Variants in DPP10 observed in about 807,000 individuals in gnomAD.
DPP10 encodes the protein inactive dipeptidyl peptidase 10.
DPP10 carries 33 observed loss-of-function variants against 120.9 expected under a neutral mutation model. The observed-to-expected ratio is 0.27, with a 90% CI of 0.21 to 0.37. DPP10 has a LOEUF of 0.37. Ranked by LOEUF, DPP10 falls within the 10% of genes least tolerant of loss-of-function variation. DPP10 has a pLI of 1.00. For synonymous variants in DPP10, 337 were observed against 326.1 expected (o/e 1.03, Z -0.36); for missense variants, 816 against 942.8 (o/e 0.87, Z 1.76).
At chr2:115,094,434 A>T (rs1709546808) in intron 1 of DPP10, among the ~76,000 whole-genome samples, 1 of 152,188 alleles carries the variant, frequency 6.6e-6, no homozygotes, top group African/African-American at 2.4e-5. Flanking sequence ...CTCATTGATC[A>T]CAAGAGTCAA....
chr2:115,233,585 A>G (rs891107644), intron 1 of DPP10, among the ~76,000 whole-genome samples: 10 of 152,144 alleles, frequency 6.6e-5, no homozygotes, highest in Admixed American at 2.0e-4. Context: ...TATAGAGGAC[A>G]TTCAAATGGG....
chr2:115,429,032 A>G (rs2070738430), intron 3 of DPP10, among the ~76,000 whole-genome samples: 1 of 152,196 alleles, frequency 6.6e-6, no homozygotes, highest in Non-Finnish European at 1.5e-5. Flanking sequence ...TAAAGGGAAA[A>G]GCAAAAAGGA....
At chr2:115,408,039 T>A (rs949757259) in intron 3 of DPP10, among the ~76,000 whole-genome samples, 2 of 151,842 alleles carry the variant, frequency 1.3e-5, no homozygotes, top group African/African-American at 4.8e-5. Flanking sequence ...GGAGGGAAAA[T>A]GAAGCATTCC....
At chr2:114,633,400 C>A (rs889900942) in intron 1 of DPP10, among the ~76,000 whole-genome samples, 17 of 150,182 alleles carry the variant, frequency 1.1e-4, no homozygotes, top group African/African-American at 4.2e-4. Context: ...TATAGGCATG[C>A]ACCATCACAT....
At chr2:115,052,453 A>G (rs986194854) in intron 1 of DPP10, among the ~76,000 whole-genome samples, 3 of 152,216 alleles carry the variant, frequency 2.0e-5, no homozygotes, top group African/African-American at 7.2e-5. Flanking sequence ...TATCCAGAAT[A>G]TGTAAAGACC....
At chr2:115,531,634 T>C (rs953248410) in intron 5 of DPP10, among the ~76,000 whole-genome samples, 6 of 152,072 alleles carry the variant, frequency 3.9e-5, no homozygotes, top group African/African-American at 9.7e-5. Flanking sequence ...GAAGAAAATA[T>C]GTGTTTAAAT....
At chr2:114,618,846 A>G (rs372438130) in intron 1 of DPP10, among the ~76,000 whole-genome samples, 2 of 152,046 alleles carry the variant, frequency 1.3e-5, no homozygotes, top group South Asian at 4.1e-4. Context: ...CAGAAGTAGC[A>G]CTATATACAT....
At chr2:115,555,352 A>G (rs1285088151) in intron 5 of DPP10, among the ~76,000 whole-genome samples, 1 of 152,118 alleles carries the variant, frequency 6.6e-6, no homozygotes, top group African/African-American at 2.4e-5. Flanking sequence ...GGAACCACAC[A>G]GAAAAGAAGT....
chr2:115,785,516 C>A (rs1683233413), intron 17 of DPP10, among the ~76,000 whole-genome samples: 1 of 152,062 alleles, frequency 6.6e-6, no homozygotes, highest in African/African-American at 2.4e-5. Flanking sequence ...TTTCATAAAT[C>A]ATTATCGGTC....
chr2:115,547,604 C>G (rs1416050679), intron 5 of DPP10, among the ~76,000 whole-genome samples: 1 of 151,948 alleles, frequency 6.6e-6, no homozygotes, highest in Admixed American at 6.6e-5. Flanking sequence ...GAAACCCCGC[C>G]TCTACAAAAG....
At chr2:115,676,429 C>G (rs1372531984) in intron 5 of DPP10, among the ~76,000 whole-genome samples, 1 of 152,004 alleles carries the variant, frequency 6.6e-6, no homozygotes, top group African/African-American at 2.4e-5. Context: ...GATTGTTCCA[C>G]CAGATGCACA....
chr2:115,673,876 A>G (rs562811109), intron 5 of DPP10, among the ~76,000 whole-genome samples: 1 of 152,310 alleles, frequency 6.6e-6, no homozygotes, highest in African/African-American at 2.4e-5. Context: ...AATGATTTTT[A>G]TGATTCGGAA....
Position 115,262,334 on chromosome 2 carries a change from C to T in DPP10, c.61-46905C>T, listed in dbSNP as rs374322332. Among the ~76,000 whole-genome samples the T allele has an allele frequency of 6.6e-5, 10 of 151,908 alleles. No homozygotes were observed. The South Asian group carries it at 2.1e-3, about 32-fold the overall frequency. On this transcript the variant is annotated intron_variant, in intron 1 of 25. Transcript: ENST00000410059. ...CTATCTCTATATTCAATAAATGTCACAATTATTTGCTATCATTATTTTAAT... is the reference window on the plus strand; with the variant it reads ...CTATCTCTATATTCAATAAATGTCATAATTATTTGCTATCATTATTTTAAT...
At chr2:115,122,770 C>T (rs1404283881) in intron 1 of DPP10, among the ~76,000 whole-genome samples, 1 of 152,170 alleles carries the variant, frequency 6.6e-6, no homozygotes, top group Non-Finnish European at 1.5e-5. Context: ...ATTACACGGC[C>T]TTAGGCTTTA....
At chr2:114,590,115 ATAT>A (rs889375161) in intron 1 of DPP10, among the ~76,000 whole-genome samples, 1 of 152,270 alleles carries the variant, frequency 6.6e-6, no homozygotes, top group African/African-American at 2.4e-5. Context: ...TTTATTATAA[ATAT>A]TATTATAAAT....
chr2:115,186,090 T>G (rs192333128), intron 1 of DPP10, among the ~76,000 whole-genome samples: 1 of 152,228 alleles, frequency 6.6e-6, no homozygotes, highest in African/African-American at 2.4e-5. Context: ...GTTGACTTCA[T>G]GTCTAACCCT....
chr2:115,616,881 A>ACTG (rs1575346562), intron 5 of DPP10, among the ~76,000 whole-genome samples: 1 of 151,970 alleles, frequency 6.6e-6, no homozygotes, highest in South Asian at 2.1e-4. Context: ...TGCAGTGTAG[A>ACTG]CTGCTCTATG....
chr2:115,794,872 T>C (rs1684372043), intron 19 of DPP10, among the ~76,000 whole-genome samples: 1 of 152,190 alleles, frequency 6.6e-6, no homozygotes, highest in South Asian at 2.1e-4. Flanking sequence ...CTCATGTTTA[T>C]GTAATTTAAT....
Position 115,165,427 on chromosome 2 carries a change from T to C in DPP10, c.61-143812T>C, listed in dbSNP as rs531963907. Among the ~76,000 whole-genome samples the C allele has an allele frequency of 9.2e-5, 14 of 152,348 alleles. No individual in the cohort carries two copies. In the South Asian group the frequency reaches 2.9e-3, roughly 32 times the overall value. On this transcript the variant is annotated intron_variant, in intron 1 of 25. Transcript: ENST00000410059. ...AAAATAATTGCAAATTATATGTGTA[T>C]GTGTGCACATGTGCACAAATTTACC...
Sources: gnomAD v4.1 joint callset for allele counts (sites outside exome capture counted in the v4.1 genomes callset) on GRCh38, gnomAD v4.1.1 for gene constraint, MANE v1.5 for transcripts, NCBI Gene and HGNC (gene_info 2026-07-23, HGNC 2026-07-21) for gene names.